SP4: variants seen among roughly 807,000 people sequenced by gnomAD.
SP4 encodes transcription factor Sp4.
SP4 carries 19 observed loss-of-function variants against 72.8 expected under a neutral mutation model. That is an observed-to-expected ratio of 0.26 (90% confidence interval 0.18 to 0.38). SP4 has a LOEUF of 0.38. SP4 is among the 10% of genes least tolerant of loss of function. SP4 has a pLI of 1.00. For synonymous variants in SP4, 395 were observed against 333.1 expected, an observed-to-expected ratio of 1.19 and a Z score of -2.02; for missense variants, 1,008 against 926.3, an observed-to-expected ratio of 1.09 and a Z score of -1.14.
At chr7:21,433,076 G>A (rs1441621066) in intron 3 of SP4, among the ~76,000 whole-genome samples, 2 of 152,206 alleles carry the variant, frequency 1.3e-5, no homozygotes, top group African/African-American at 4.8e-5. Context: ...GAAGCAAGTG[G>A]GGGTGTTGAG....
intron 2 of SP4, 59 bp downstream of exon 2, chr7:21,428,851 T>A: frequency 7.6e-7 from 1 of 1,313,688 alleles, no homozygotes; most frequent in Non-Finnish European, 1.1e-6. Context: ...GAGGGAGTTA[T>A]GCCCTTTGAA....
At chr7:21,501,996 T>G (rs988165997) in intron 5 of SP4, among the ~76,000 whole-genome samples, 5 of 148,500 alleles carry the variant, frequency 3.4e-5, no homozygotes, top group African/African-American at 5.0e-5. Flanking sequence ...AGTGCTGACT[T>G]AAACCGAGCT....
chr7:21,498,398 A>G (rs780360267), intron 5 of SP4, among the ~76,000 whole-genome samples: 20 of 152,158 alleles, frequency 1.3e-4, no homozygotes, highest in Admixed American at 6.5e-4. Flanking sequence ...ACCAAGGGCA[A>G]CTATCTACTT....
At chr7:21,473,491 A>G (rs1784408585) in intron 3 of SP4, among the ~76,000 whole-genome samples, 1 of 152,246 alleles carries the variant, frequency 6.6e-6, no homozygotes, top group Non-Finnish European at 1.5e-5. Flanking sequence ...AGTGAACATA[A>G]TAGGCAAGAT....
rs747627106 is a variant in SP4 at position 21,507,244 on chromosome 7, C to T, written c.2108-3778C>T. Among the ~76,000 whole-genome samples the T allele has an allele frequency of 2.0e-5, 3 of 152,182 alleles. No individual in the cohort carries two copies. In the East Asian group the frequency reaches 5.8e-4, roughly 29 times the overall value. Reference sequence around the variant, plus strand: ...CAAGAGGAGCATTTACAAAGCCAGTCTCTCCCTGTCCCATGGGAACTCCCC... The same window carrying T: ...CAAGAGGAGCATTTACAAAGCCAGTTTCTCCCTGTCCCATGGGAACTCCCC... On this transcript the variant is annotated intron_variant, in intron 5 of 5. Transcript: ENST00000222584.
rs1782806418 is a variant in SP4, at chr7:21,430,497, T to G, written c.1332T>G (p.Val444=). The change falls in exon 3 of 6, where the codon GTT becomes GTG. Residue 444 remains valine, a synonymous_variant. Coordinates refer to ENST00000222584, the MANE Select transcript of SP4 (RefSeq NM_003112.5). ...TCCAGCAGCAGCCTTTACAGAATGTTCAACTTCAAGCAGTAAATCCGACTC... is the reference window on the plus strand; with the variant it reads ...TCCAGCAGCAGCCTTTACAGAATGTGCAACTTCAAGCAGTAAATCCGACTC... ...QTIQQQPLQN[V]QLQAVNPTQV... is the part of the protein sequence containing the mutation. The G allele has an allele frequency of 6.2e-7, 1 of 1,614,188 alleles. No individual in the cohort carries two copies. The highest frequency in any genetic ancestry group is 8.5e-7 in the Non-Finnish European group (1 of 1,180,032).
chr7:21,473,228 A>G (rs1199453962), intron 3 of SP4, among the ~76,000 whole-genome samples: 1 of 152,190 alleles, frequency 6.6e-6, no homozygotes, highest in East Asian at 1.9e-4. Context: ...GCTGTTAGGC[A>G]GTAGTGTCTT....
In SP4 at chr7:21,514,529, TG is replaced by T. The variant is rs1384463805; in HGVS notation, c.*3261del. The T allele has an allele frequency of 0.061, 2,860 of 46,682 alleles. 37 individuals are homozygous for T. Among genetic ancestry groups the T allele is most frequent in the African/African-American group, 0.13 (1,187 of 8,964 alleles). The allele number at this position is 46,682 out of a possible 1,614,324, so 2.9% of individuals were successfully genotyped here. On this transcript the variant is annotated 3_prime_UTR_variant, in exon 6 of 6. Transcript: ENST00000222584. ...TAACATTTCACTTGTAAATTTTTTTTGTAAAAAAAAAAAAATGAAAAAAAAA... is the reference window on the plus strand; with the variant it reads ...TAACATTTCACTTGTAAATTTTTTTTTAAAAAAAAAAAAATGAAAAAAAAA...
At position 21,429,573 on chromosome 7, in the gene SP4, T is replaced by C; in HGVS notation, c.408T>C (p.Ser136=). The C allele has an allele frequency of 6.2e-7, 1 of 1,614,166 alleles. No homozygotes were observed. Among genetic ancestry groups the C allele is most frequent in the Non-Finnish European group, 8.5e-7 (1 of 1,180,000 alleles). ...CCAGCAGTAATAACGGGAGTGCATC[T>C]CCTACAAAAACTAAATCAGGTAATT... ...SSSSSNNGSA[S]PTKTKSGNSS... The change falls in exon 3 of 6, where the codon TCT becomes TCC. Residue 136 remains serine, a synonymous_variant. Coordinates refer to ENST00000222584, the MANE Select transcript of SP4 (RefSeq NM_003112.5).
intron 4 of SP4, among the ~76,000 whole-genome samples, chr7:21,479,261 G>GT (rs1462271661): frequency 1.5e-5 from 2 of 136,384 alleles, no homozygotes; most frequent in African/African-American, 3.0e-5. Flanking sequence ...AAGATTCCTA[G>GT]TTGTTTTTTT....
In SP4 at chr7:21,488,074, A is replaced by G. The variant is rs924651488; in HGVS notation, c.2107+5951A>G. The stretch of plus-strand genomic sequence containing the variant: ...AGACAGATTTTTCTCAGTGTTGCCC[A>G]GGCTGGTGTTGAACTCCTGAGCTCA... On this transcript the variant is annotated intron_variant, in intron 5 of 5. Coordinates refer to ENST00000222584, the MANE Select transcript of SP4 (RefSeq NM_003112.5). Among the ~76,000 whole-genome samples the G allele has an allele frequency of 3.7e-4, 57 of 152,202 alleles. No individual in the cohort carries two copies. In the Middle Eastern group the frequency reaches 0.01, roughly 27 times the overall value.
chr7:21,452,551 T>C (rs1036064185), intron 3 of SP4, among the ~76,000 whole-genome samples: 1 of 152,200 alleles, frequency 6.6e-6, no homozygotes, highest in African/African-American at 2.4e-5. Context: ...TTCTTGGCTT[T>C]ATAAGTCAAT....
intron 5 of SP4, among the ~76,000 whole-genome samples, chr7:21,494,474 A>G (rs1003254690): frequency 6.6e-6 from 1 of 152,226 alleles, no homozygotes; most frequent in East Asian, 1.9e-4. Flanking sequence ...TTGTATTTCT[A>G]CATCCTAGCA....
chr7:21,431,970 C>T (rs1007743303), intron 3 of SP4, among the ~76,000 whole-genome samples: 1 of 152,120 alleles, frequency 6.6e-6, no homozygotes, highest in South Asian at 2.1e-4. Flanking sequence ...CAGATAAAGC[C>T]TTCTGATTCA....
chr7:21,470,125 A>G (rs1460892835), intron 3 of SP4, among the ~76,000 whole-genome samples: 1 of 152,206 alleles, frequency 6.6e-6, no homozygotes, highest in Non-Finnish European at 1.5e-5. Context: ...ACTAGCTGTC[A>G]TTTAGCAGCC....
chr7:21,471,995 A>G (rs77831392), intron 3 of SP4, among the ~76,000 whole-genome samples: 11 of 152,202 alleles, frequency 7.2e-5, no homozygotes, highest in Admixed American at 2.0e-4. Context: ...ATGACTTCCA[A>G]ATTTTCTATT....
At chr7:21,493,570 T>C (rs1168449143) in intron 5 of SP4, among the ~76,000 whole-genome samples, 1 of 152,190 alleles carries the variant, frequency 6.6e-6, no homozygotes, top group East Asian at 1.9e-4. Flanking sequence ...TGCATAACTC[T>C]ACAACCTAAA....
chr7:21,499,132 A>G (rs1207040223), intron 5 of SP4, among the ~76,000 whole-genome samples: 1 of 151,340 alleles, frequency 6.6e-6, no homozygotes, highest in African/African-American at 2.4e-5. Flanking sequence ...GAAAGAATAT[A>G]TTTACTATTC....
intron 5 of SP4, among the ~76,000 whole-genome samples, 197 bp from the exon 6 acceptor site, chr7:21,510,825 C>T (rs1782122074): frequency 6.6e-6 from 1 of 152,182 alleles, no homozygotes; most frequent in South Asian, 2.1e-4. Context: ...ACTTAAACTT[C>T]AGGTCTTTTC....
Sources: allele counts gnomAD v4.1 joint callset (sites outside exome capture counted in the v4.1 genomes callset), GRCh38; gene constraint gnomAD v4.1.1; transcripts MANE v1.5; gene names NCBI Gene and HGNC (gene_info 2026-07-23, HGNC 2026-07-21).